The following ASAP1 variants were observed in gnomAD, a reference collection of about 807,000 sequenced individuals.
ASAP1 encodes ArfGAP with SH3 domain, ankyrin repeat and PH domain 1, also known as arf-GAP with SH3 domain, ANK repeat and PH domain-containing protein 1.
In ASAP1, 43 loss-of-function variants were observed where a neutral mutation model predicts 145.2. The observed-to-expected ratio is 0.30, with a 90% CI of 0.23 to 0.38. The LOEUF (loss-of-function observed/expected upper bound fraction) is 0.38. Ranked by LOEUF, ASAP1 falls within the 10% of genes least tolerant of loss-of-function variation. The probability of loss-of-function intolerance (pLI) is 1.00; values close to 1 mark genes in which losing one functional copy is unlikely to be tolerated. For synonymous variants in ASAP1, 546 were observed against 515.5 expected (o/e 1.06, Z -0.80); for missense variants, 1,018 against 1,355.3 (o/e 0.75, Z 3.91).
chr8:130,142,216 T>C (rs1437162302), intron 13 of ASAP1, among the ~76,000 whole-genome samples: 1 of 152,172 alleles, frequency 6.6e-6, no homozygotes, highest in Non-Finnish European at 1.5e-5. Flanking sequence ...CTCCTTCTCT[T>C]CTGCGGTCAC....
At chr8:130,066,594 C>G (rs1379951990) in intron 27 of ASAP1, among the ~76,000 whole-genome samples, 1 of 151,172 alleles carries the variant, frequency 6.6e-6, no homozygotes, top group Non-Finnish European at 1.5e-5. Flanking sequence ...TCTTCTCTCT[C>G]TCTCCTTCCT....
At chr8:130,241,041 C>A (rs1818494830) in intron 3 of ASAP1, among the ~76,000 whole-genome samples, 2 of 152,072 alleles carry the variant, frequency 1.3e-5, no homozygotes, top group South Asian at 4.2e-4. Context: ...CCTCTCCAGG[C>A]CGAGTGGTAT....
intron 4 of ASAP1, among the ~76,000 whole-genome samples, chr8:130,216,015 G>GAAAGC (rs1339775859): frequency 7.9e-6 from 1 of 127,142 alleles, no homozygotes; most frequent in Non-Finnish European, 1.7e-5. Flanking sequence ...GAAAGGAAAG[G>GAAAGC]AAAAAGGAAA....
chr8:130,340,238 A>C (rs555794663), intron 3 of ASAP1, among the ~76,000 whole-genome samples: 1 of 152,190 alleles, frequency 6.6e-6, no homozygotes, highest in Non-Finnish European at 1.5e-5. Context: ...GGTGTCTACA[A>C]GGCAAAGGGG....
chr8:130,324,426 T>C (rs1309904078), intron 3 of ASAP1, among the ~76,000 whole-genome samples: 1 of 152,178 alleles, frequency 6.6e-6, no homozygotes, highest in East Asian at 1.9e-4. Flanking sequence ...CTGTATCCAC[T>C]TGCAAAGAAG....
chr8:130,173,651 C>T (rs923115114), intron 9 of ASAP1, among the ~76,000 whole-genome samples: 14 of 151,788 alleles, frequency 9.2e-5, no homozygotes, highest in African/African-American at 3.4e-4. Context: ...GCCTGTAGTC[C>T]CTGCTACTTG....
intron 7 of ASAP1, among the ~76,000 whole-genome samples, chr8:130,185,367 A>G (rs1269309332): frequency 6.6e-6 from 1 of 152,224 alleles, no homozygotes; most frequent in Non-Finnish European, 1.5e-5. Flanking sequence ...CACTGGTAGA[A>G]TAACACCATA....
At chr8:130,376,105 A>G (rs768226109) in intron 2 of ASAP1, among the ~76,000 whole-genome samples, 1 of 152,226 alleles carries the variant, frequency 6.6e-6, no homozygotes, top group Non-Finnish European at 1.5e-5. Flanking sequence ...AGATGCACAT[A>G]CTACAGTAAT....
At chr8:130,122,176 T>C (rs2097567307) in intron 18 of ASAP1, among the ~76,000 whole-genome samples, 1 of 152,182 alleles carries the variant, frequency 6.6e-6, no homozygotes, top group Non-Finnish European at 1.5e-5. Context: ...CCTCCTCTTG[T>C]TGTAATTTCT....
At chr8:130,322,703 AG>A (rs1824082688) in intron 3 of ASAP1, among the ~76,000 whole-genome samples, 2 of 152,234 alleles carry the variant, frequency 1.3e-5, no homozygotes, top group Admixed American at 6.5e-5. Flanking sequence ...TCCTCATGCT[AG>A]GGATTGTGAA....
intron 9 of ASAP1, among the ~76,000 whole-genome samples, chr8:130,175,894 A>C (rs1813916666): frequency 6.6e-6 from 1 of 152,196 alleles, no homozygotes; most frequent in Non-Finnish European, 1.5e-5. Context: ...AATGTTAGCT[A>C]TTATTCTTAT....
At chr8:130,340,851 CTT>C (rs1825330893) in intron 3 of ASAP1, 1 of 454,726 alleles carries the variant, frequency 2.2e-6, no homozygotes, top group Non-Finnish European at 4.4e-6. Flanking sequence ...CCTTGTGACT[CTT>C]ATGATGGCTC....
At chr8:130,441,766 G>A (rs1830496109) in intron 1 of ASAP1, among the ~76,000 whole-genome samples, 1 of 152,104 alleles carries the variant, frequency 6.6e-6, no homozygotes, top group Non-Finnish European at 1.5e-5. Context: ...CTCACCAAAT[G>A]GCAAGCTTGC....
chr8:130,417,258 A>T (rs1829523155), intron 1 of ASAP1, among the ~76,000 whole-genome samples: 1 of 152,188 alleles, frequency 6.6e-6, no homozygotes, highest in African/African-American at 2.4e-5. Flanking sequence ...ATACAACCCA[A>T]GTCCAACTGC....
At chr8:130,404,206 G>C (rs1316125312) in intron 1 of ASAP1, among the ~76,000 whole-genome samples, 1 of 152,106 alleles carries the variant, frequency 6.6e-6, no homozygotes, top group Non-Finnish European at 1.5e-5. Context: ...ATATTTGTTG[G>C]ATAAACGATC....
chr8:130,148,566 T>C (rs985513431), intron 13 of ASAP1, among the ~76,000 whole-genome samples: 20 of 152,340 alleles, frequency 1.3e-4, no homozygotes, highest in South Asian at 4.1e-4. Flanking sequence ...TCTTTCTTTT[T>C]ACAACCCATT....
rs147570080 is a variant in ASAP1, at chr8:130,324,945, G to T, written c.186+33072C>A. The stretch of plus-strand genomic sequence containing the variant: ...CCTCGTAACCCCGAGCTCTGCAAAA[G>T]CCAAGCAAAGGTGACTGAGAACAAG... On this transcript the variant is annotated intron_variant, in intron 3 of 29. Transcript: ENST00000518721. 8.2e-4 allele frequency among the ~76,000 whole-genome samples: 125 copies of T among 152,252 alleles called. No homozygotes were observed. In the East Asian group the frequency reaches 0.017, roughly 20 times the overall value.
At chr8:130,342,926 C>T (rs1825477049) in intron 3 of ASAP1, among the ~76,000 whole-genome samples, 1 of 152,146 alleles carries the variant, frequency 6.6e-6, no homozygotes, top group Non-Finnish European at 1.5e-5. Context: ...AAGTGGGAAG[C>T]AACCAAACTA....
chr8:130,389,183 A>G (rs1170835104), intron 2 of ASAP1, among the ~76,000 whole-genome samples: 8 of 152,170 alleles, frequency 5.3e-5, no homozygotes, highest in Non-Finnish European at 4.4e-5. Flanking sequence ...TGGGTTTTAC[A>G]TGTATTGTCT....
Sources: allele counts gnomAD v4.1 joint callset (sites outside exome capture counted in the v4.1 genomes callset), GRCh38; gene constraint gnomAD v4.1.1; transcripts MANE v1.5; gene names NCBI Gene and HGNC (gene_info 2026-07-23, HGNC 2026-07-21).